The following CASP8 variants were observed in gnomAD, a reference collection of about 807,000 sequenced individuals.
CASP8 encodes the protein caspase 8.
In CASP8, 24 loss-of-function variants were observed where a neutral mutation model predicts 46.3. That is an observed-to-expected ratio of 0.52 (90% CI 0.38 to 0.73). The LOEUF (loss-of-function observed/expected upper bound fraction) is 0.73, where lower values mean the gene tolerates loss of function less well. Among genes scored for constraint, CASP8 ranks in the 30% least tolerant of loss-of-function variants. The probability of loss-of-function intolerance (pLI) is 0.00; values close to 1 mark genes in which losing one functional copy is unlikely to be tolerated. For synonymous variants in CASP8, 188 were observed against 200.4 expected, an observed-to-expected ratio of 0.94 and a Z score of 0.52; for missense variants, 460 against 559.0, an observed-to-expected ratio of 0.82 and a Z score of 1.79.
At chr2:201,268,288 C>T (rs958690750) in intron 2 of CASP8, among the ~76,000 whole-genome samples, 3 of 152,164 alleles carry the variant, frequency 2.0e-5, no homozygotes, top group African/African-American at 4.8e-5. Context: ...AGGTGGCTCA[C>T]GCCTGTAATC....
chr2:201,273,528 T>G (rs1028250686), intron 5 of CASP8, among the ~76,000 whole-genome samples: 1 of 152,192 alleles, frequency 6.6e-6, no homozygotes, highest in African/African-American at 2.4e-5. Context: ...TGTTTCATAA[T>G]TTTCTTGGTT....
intron 2 of CASP8, among the ~76,000 whole-genome samples, chr2:201,248,262 G>A (rs920082734): frequency 6.6e-6 from 1 of 152,170 alleles, no homozygotes; most frequent in African/African-American, 2.4e-5. Flanking sequence ...CGACCTGTGG[G>A]TGGATCGAGT....
At chr2:201,268,907 CTTTG>C (rs1435126440) in intron 2 of CASP8, among the ~76,000 whole-genome samples, 34 of 113,506 alleles carry the variant, frequency 3.0e-4, no homozygotes, top group South Asian at 2.6e-3. Context: ...ATGGCCTCAT[CTTTG>C]TGTGTGTGTG....
intron 7 of CASP8, chr2:201,277,894 T>C (rs1202210361): frequency 1.2e-5 from 3 of 249,886 alleles, no homozygotes; most frequent in Admixed American, 5.4e-5. Context: ...AGAGATGGGG[T>C]TTTGCCATAT....
chr2:201,285,506 T>C, intron 8 of CASP8, among the ~76,000 whole-genome samples, 189 bp downstream of exon 8: 1 of 152,228 alleles, frequency 6.6e-6, no homozygotes, highest in East Asian at 1.9e-4. Flanking sequence ...GTAGATCACA[T>C]AGCTGCATTT....
At chr2:201,245,506 G>A (rs1173059488) in intron 2 of CASP8, among the ~76,000 whole-genome samples, 1 of 152,234 alleles carries the variant, frequency 6.6e-6, no homozygotes, top group Admixed American at 6.5e-5. Flanking sequence ...CTCCCAAAGT[G>A]TTGGGATTAC....
chr2:201,272,501 A>T lies in CASP8; in HGVS notation c.412-137A>T, dbSNP rs551251911. 2 of 910,208 alleles carry T rather than the reference A, an allele frequency of 2.2e-6. No homozygotes were observed. Among genetic ancestry groups the T allele is most frequent in the Non-Finnish European group, 3.5e-6 (2 of 577,044 alleles). The allele number at this position is 910,208 out of a possible 1,614,324, so 56.4% of individuals were successfully genotyped here. The stretch of plus-strand genomic sequence containing the variant: ...CCTAGTAGCCTGCTGGCTGTGAGAG[A>T]CCAGCAGAAACTGTCAGAAACTTGG... On this transcript the variant is annotated intron_variant, in intron 3 of 8. Transcript: ENST00000673742. This position sits in a 1 kb window ranked among gnomAD's most constrained non-coding sequence, Gnocchi z 4.4.
Position 201,284,926 on chromosome 2 carries a change from A to G in CASP8, c.913A>G (p.Ser305Gly), listed in dbSNP as rs1949483446. ...ILKIYQLMDHSNMDCFICCIL... is the reference protein window; with the variant it reads ...ILKIYQLMDHGNMDCFICCIL... Reference sequence around the variant, plus strand: ...GAAAATCTACCAACTCATGGACCACAGTAACATGGACTGCTTCATCTGCTG... The same window carrying G: ...GAAAATCTACCAACTCATGGACCACGGTAACATGGACTGCTTCATCTGCTG... Residue 305 changes from serine (S) to glycine (G), a missense_variant, in exon 8 of 9, where the codon AGT (serine) becomes GGT (glycine). Transcript: ENST00000673742. 1.9e-6 allele frequency: 3 copies of G among 1,614,064 alleles called. No individual in the cohort carries two copies. Among genetic ancestry groups the G allele is most frequent in the Admixed American group, 1.7e-5 (1 of 60,004 alleles).
upstream of CASP8, among the ~76,000 whole-genome samples, chr2:201,260,311 TG>T (rs1386519492): frequency 6.6e-6 from 1 of 152,160 alleles, no homozygotes; most frequent in South Asian, 2.1e-4. Flanking sequence ...AAAGGTAAAA[TG>T]GCCCATCCAA....
intron 1 of CASP8, among the ~76,000 whole-genome samples, chr2:201,265,963 G>GT (rs1405982491): frequency 8.0e-5 from 11 of 138,192 alleles, no homozygotes; most frequent in East Asian, 6.5e-4. Flanking sequence ...CCATTGGCTT[G>GT]TTTTTTTTGT....
chr2:201,283,214 C>T (rs1398819934), intron 7 of CASP8, among the ~76,000 whole-genome samples: 3 of 73,174 alleles, frequency 4.1e-5, no homozygotes, highest in Non-Finnish European at 3.2e-5. Context: ...GCTGGCCAGG[C>T]GGGGGGCTGA....
At chr2:201,251,594 CAA>C (rs59005124) in intron 2 of CASP8, among the ~76,000 whole-genome samples, 61 of 102,140 alleles carry the variant, frequency 6.0e-4, no homozygotes, top group Admixed American at 1.3e-3. Context: ...GACTCTGTGT[CAA>C]AAAAAAAAAA....
upstream of CASP8, among the ~76,000 whole-genome samples, chr2:201,255,842 C>T (rs556954514): frequency 7.9e-5 from 12 of 152,260 alleles, no homozygotes; most frequent in South Asian, 2.5e-3. Flanking sequence ...GCAGCCTTGA[C>T]CTCCCACACT....
chr2:201,265,152 C>T (rs1295639837), intron 1 of CASP8, among the ~76,000 whole-genome samples: 2 of 152,052 alleles, frequency 1.3e-5, no homozygotes, highest in Non-Finnish European at 2.9e-5. Flanking sequence ...AGTTTTGGGT[C>T]ACTTAAAAAC....
intron 1 of CASP8, among the ~76,000 whole-genome samples, chr2:201,262,684 C>A (rs1386442653): frequency 1.3e-5 from 2 of 152,036 alleles, no homozygotes; most frequent in African/African-American, 2.4e-5. Context: ...TTTTTAGGAA[C>A]CAAAAATACA....
At chr2:201,251,903 T>TA (rs764555307) in intron 2 of CASP8, among the ~76,000 whole-genome samples, 320 of 141,396 alleles carry the variant, frequency 2.3e-3, no homozygotes, top group Non-Finnish European at 3.4e-3. Flanking sequence ...AGACTCCGTC[T>TA]AAAAAAAAAA....
Position 201,266,471 on chromosome 2 carries a change from C to T in CASP8, c.-16C>T. ...TTTATTTTGACTTAGATTATATTCT[C>T]CTGCCTTTTAAAAAGATGGACTTCA... On this transcript the variant is annotated 5_prime_UTR_variant, in exon 2 of 9. Transcript: ENST00000673742. This position sits in a 1 kb window ranked among gnomAD's most constrained non-coding sequence, Gnocchi z 5.7. 6.2e-7 allele frequency: 1 copy of T among 1,611,474 alleles called. No individual in the cohort carries two copies. The highest frequency in any genetic ancestry group is 8.5e-7 in the Non-Finnish European group (1 of 1,177,604).
intron 3 of CASP8, 120 bp downstream of exon 3, chr2:201,271,741 A>G: frequency 1.4e-6 from 1 of 722,448 alleles, no homozygotes; most frequent in Non-Finnish European, 2.6e-6. Context: ...TTTTAACTAG[A>G]AGAAGAAAGT....
intron 2 of CASP8, among the ~76,000 whole-genome samples, chr2:201,270,516 G>A (rs1280716342): frequency 2.0e-5 from 3 of 152,152 alleles, no homozygotes; most frequent in South Asian, 2.1e-4. Flanking sequence ...AAAAGGGTAC[G>A]GACCTGGCCA....
Sources: gnomAD v4.1 joint callset for allele counts (sites outside exome capture counted in the v4.1 genomes callset) on GRCh38, gnomAD v4.1.1 for gene constraint, Gnocchi (gnomAD v3.1) non-coding constraint, MANE v1.5 for transcripts, NCBI Gene and HGNC (gene_info 2026-07-23, HGNC 2026-07-21) for gene names.